MAOB: variants seen among roughly 807,000 people sequenced by gnomAD.
The protein encoded by MAOB is monoamine oxidase B, also known as amine oxidase [flavin-containing] B.
Under a neutral mutation model 41.9 loss-of-function variants are expected in MAOB, and 15 were observed. That is an observed-to-expected ratio of 0.36 (90% CI 0.24 to 0.55). The LOEUF is 0.55. Ranked by LOEUF, MAOB falls within the 20% of genes least tolerant of loss-of-function variation. The pLI is 0.86. For synonymous variants in MAOB, 167 were observed against 144.2 expected (o/e 1.16, Z -1.13); for missense variants, 345 against 398.7 (o/e 0.87, Z 1.15).
chrX:43,870,287 C>T (rs187662103), intron 1 of MAOB, among the ~76,000 whole-genome samples: 74 of 112,255 alleles, frequency 6.6e-4, no homozygotes, highest in African/African-American at 2.3e-3. Flanking sequence ...ATATTTTGAG[C>T]ACTTCCAGAT....
intron 8 of MAOB, among the ~76,000 whole-genome samples, chrX:43,791,977 G>T (rs1460136881): frequency 9.0e-6 from 1 of 111,721 alleles, no homozygotes; most frequent in Admixed American, 9.5e-5. Context: ...GTGAATAAAT[G>T]AATTTAATTT....
intron 1 of MAOB, among the ~76,000 whole-genome samples, chrX:43,866,264 T>A (rs2035364704): frequency 8.9e-6 from 1 of 111,937 alleles, no homozygotes; most frequent in Admixed American, 9.5e-5. Flanking sequence ...AGGGCAGGAA[T>A]GAGGTGAAGT....
At chrX:43,865,832 G>A (rs1296128111) in intron 1 of MAOB, among the ~76,000 whole-genome samples, 1 of 105,631 alleles carries the variant, frequency 9.5e-6, no homozygotes, top group East Asian at 3.0e-4. Context: ...AGTTCACACA[G>A]GTCTGTCAGA....
intron 11 of MAOB, among the ~76,000 whole-genome samples, chrX:43,776,780 G>T: frequency 1.4e-5 from 1 of 73,404 alleles, no homozygotes; most frequent in Non-Finnish European, 2.4e-5. Context: ...CCCACAACAG[G>T]TCCCAGTGTG....
chrX:43,843,782 A>G lies in MAOB; in HGVS notation c.47-18T>C. 1 of 1,208,407 alleles carries G rather than the reference A, an allele frequency of 8.3e-7. No individual in the cohort carries two copies. The highest frequency in any genetic ancestry group is 1.1e-6 in the Non-Finnish European group (1 of 894,138). ...TGCCATACCTGGGAGAAAAGACAGT[A>G]AGACATCAGGATCAAATACAAGGAT... On this transcript the variant is annotated intron_variant, in intron 1 of 14. Coordinates refer to ENST00000378069, the MANE Select transcript of MAOB (RefSeq NM_000898.5).
At chrX:43,861,166 A>T (rs1296894970) in intron 1 of MAOB, among the ~76,000 whole-genome samples, 1 of 112,316 alleles carries the variant, frequency 8.9e-6, no homozygotes, top group Non-Finnish European at 1.9e-5. Flanking sequence ...TTCCTGCTTT[A>T]TCCCTAGCAC....
chrX:43,797,161 G>C lies in MAOB; in HGVS notation c.582C>G (p.Gly194=), dbSNP rs1171687385. The C allele has an allele frequency of 5.0e-6, 6 of 1,207,852 alleles. No homozygotes were observed. The highest frequency in any genetic ancestry group is 1.7e-5 in the African/African-American group (1 of 57,618). ...WFLWYVKQCG[G]TTRIISTTNG... is the part of the protein sequence containing the mutation. ...TTGTTGTCGAGATGATTCTTGTTGT[G>C]CCTCCACACTGCTTCACATACCACA... The change falls in exon 6 of 15, where the codon GGC becomes GGG. Residue 194 remains glycine (G), a synonymous_variant. Coordinates refer to ENST00000378069, the MANE Select transcript of MAOB (RefSeq NM_000898.5).
At chrX:43,781,728 G>A (rs2034335622) in intron 8 of MAOB, among the ~76,000 whole-genome samples, 184 bp from the exon 9 acceptor site, 2 of 111,841 alleles carry the variant, frequency 1.8e-5, no homozygotes, top group African/African-American at 3.2e-5. Flanking sequence ...AGCATTTTTT[G>A]AAAAAATCAA....
In MAOB at chrX:43,799,807, T is replaced by A. The variant is rs753889953; in HGVS notation, c.476+2365A>T. 1.9e-3 allele frequency among the ~76,000 whole-genome samples: 210 copies of A among 111,438 alleles called. 2 individuals carry two copies. Among genetic ancestry groups the A allele is most frequent in the Middle Eastern group, 0.018 (4 of 217 alleles). On this transcript the variant is annotated intron_variant, in intron 5 of 14. Transcript: ENST00000378069. ...TAAGATAAAAGGATGAGAGAACGAG[T>A]GTCTTCCATATTTCTGCCCCTCCAG...
intron 2 of MAOB, among the ~76,000 whole-genome samples, chrX:43,839,866 C>T (rs1017219879): frequency 1.8e-5 from 2 of 111,926 alleles, no homozygotes; most frequent in Non-Finnish European, 3.8e-5. Flanking sequence ...CTGTATTTTT[C>T]AAGGAATATG....
chrX:43,785,522 C>T (rs1174627883), intron 8 of MAOB, among the ~76,000 whole-genome samples: 4 of 112,733 alleles, frequency 3.5e-5, no homozygotes, highest in African/African-American at 1.3e-4. Flanking sequence ...CTTTTAATTT[C>T]CTTCAAGAAT....
intron 1 of MAOB, among the ~76,000 whole-genome samples, chrX:43,848,615 C>A (rs1419667295): frequency 9.0e-6 from 1 of 111,675 alleles, no homozygotes; most frequent in African/African-American, 3.3e-5. Context: ...TGCAGTGGCG[C>A]AATCTTGGCT....
At chrX:43,832,973 A>G (rs949629817) in intron 3 of MAOB, among the ~76,000 whole-genome samples, 1 of 111,291 alleles carries the variant, frequency 9.0e-6, no homozygotes, top group Non-Finnish European at 1.9e-5. Flanking sequence ...TTTTTCCAAT[A>G]TGTGAGAGTA....
chrX:43,865,143 A>G lies in MAOB; in HGVS notation c.46+17111T>C, dbSNP rs199560722. On this transcript the variant is annotated intron_variant, in intron 1 of 14. Transcript: ENST00000378069. ...TTCATAATAACCAAAAAGTGGAAAC[A>G]ACCCAAATGTCCATCAACTAATTAA... Among the ~76,000 whole-genome samples the G allele has an allele frequency of 5.3e-5, 6 of 112,463 alleles. No individual in the cohort carries two copies. In the East Asian group the frequency reaches 1.7e-3, roughly 31 times the overall value.
rs373634990 is a variant in MAOB at position 43,813,703 on chromosome X, G to GTTCA, written c.280-10303_280-10300dup. ...CCATCCTCTAATGGCTGTCACATCA[G>GTTCA]TTCATTCATTCATTCATTCATTCAA... On this transcript the variant is annotated intron_variant, in intron 3 of 14. Transcript: ENST00000378069. Among the ~76,000 whole-genome samples the GTTCA allele has an allele frequency of 1.1e-3, 126 of 111,625 alleles. 1 individual carries two copies. In the South Asian group the frequency reaches 0.015, roughly 13 times the overall value.
intron 6 of MAOB, 63 bp downstream of exon 6, chrX:43,797,062 T>A (rs1268121685): frequency 3.7e-6 from 4 of 1,087,865 alleles, no homozygotes; most frequent in Non-Finnish European, 5.0e-6. Context: ...GATTGAAGGA[T>A]GATGATCTTT....
At chrX:43,861,837 C>T (rs763065519) in intron 1 of MAOB, among the ~76,000 whole-genome samples, 1 of 109,152 alleles carries the variant, frequency 9.2e-6, no homozygotes, top group African/African-American at 3.4e-5. Context: ...TGTATTTTAG[C>T]ATTATGCTCC....
At chrX:43,882,202 G>T in intron 1 of MAOB, 52 bp downstream of exon 1, 1 of 1,198,071 alleles carries the variant, frequency 8.3e-7, no homozygotes, top group East Asian at 3.0e-5. Flanking sequence ...CCCCCAGGCA[G>T]CCACCTGTCC....
chrX:43,783,928 C>T (rs2034368435), intron 8 of MAOB, among the ~76,000 whole-genome samples: 1 of 112,082 alleles, frequency 8.9e-6, no homozygotes, highest in African/African-American at 3.2e-5. Context: ...ATTCTAAATC[C>T]CTTCTTGTCA....
Sources: allele counts gnomAD v4.1 joint callset (sites outside exome capture counted in the v4.1 genomes callset), GRCh38; gene constraint gnomAD v4.1.1; transcripts MANE v1.5; gene names NCBI Gene and HGNC (gene_info 2026-07-23, HGNC 2026-07-21).